KIF18A: variants seen among roughly 807,000 people sequenced by gnomAD.
KIF18A encodes the protein kinesin-like protein KIF18A.
Under a neutral mutation model 103.3 loss-of-function variants are expected in KIF18A, and 67 were observed. The ratio of observed to expected loss-of-function variants is 0.65; its 90% CI spans 0.53 to 0.79. The LOEUF (loss-of-function observed/expected upper bound fraction) is 0.79. Ranked by LOEUF, KIF18A falls within the 30% of genes least tolerant of loss-of-function variation. The pLI is 0.00. For missense variants in KIF18A, 1,032 were observed against 1,062.5 expected (o/e 0.97, Z 0.40); for synonymous variants, 367 against 355.5 (o/e 1.03, Z -0.36).
At chr11:28,030,766 T>A (rs1850388790) in intron 15 of KIF18A, among the ~76,000 whole-genome samples, 1 of 148,518 alleles carries the variant, frequency 6.7e-6, no homozygotes, top group African/African-American at 2.5e-5. Flanking sequence ...GGGAGAAAAT[T>A]TTCGCAACCT....
intron 13 of KIF18A, among the ~76,000 whole-genome samples, chr11:28,040,197 G>A (rs1850540973): frequency 6.6e-6 from 1 of 151,628 alleles, no homozygotes; most frequent in Non-Finnish European, 1.5e-5. Flanking sequence ...GCTAAGTTAG[G>A]TAATAAAGAA....
chr11:28,043,179 A>G (rs961962742), intron 13 of KIF18A, among the ~76,000 whole-genome samples: 1 of 151,880 alleles, frequency 6.6e-6, no homozygotes, highest in Non-Finnish European at 1.5e-5. Context: ...GTGCAGAAAA[A>G]AAATATTAAA....
Position 28,090,613 on chromosome 11 carries a change from T to C in KIF18A, c.699+4A>G. The C allele has an allele frequency of 3.3e-6, 5 of 1,500,312 alleles. No homozygotes were observed. The highest frequency in any genetic ancestry group is 4.6e-6 in the Non-Finnish European group (5 of 1,079,204). 92.9% of individuals were successfully genotyped at this position (1,500,312 alleles called of 1,614,324 possible). On this transcript the variant is annotated splice_donor_region_variant and intron_variant, in intron 5 of 16. Coordinates refer to ENST00000263181, the MANE Select transcript of KIF18A (RefSeq NM_031217.4). Reference sequence around the variant, plus strand: ...TTAAGAGTGATAGTCTAGTGGCCTCTTACTTGGAAAACAGCATGAGAACGA... The same window carrying C: ...TTAAGAGTGATAGTCTAGTGGCCTCCTACTTGGAAAACAGCATGAGAACGA...
chr11:28,093,232 C>T (rs1252705756), intron 3 of KIF18A, among the ~76,000 whole-genome samples: 1 of 152,000 alleles, frequency 6.6e-6, no homozygotes, highest in Non-Finnish European at 1.5e-5. Flanking sequence ...ATGCTGGCAC[C>T]CTCTTTTCCC....
chr11:28,054,042 G>A (rs1045055629), intron 13 of KIF18A, among the ~76,000 whole-genome samples: 2 of 151,974 alleles, frequency 1.3e-5, no homozygotes, highest in African/African-American at 4.8e-5. Context: ...TTTATCTTGA[G>A]CCAGAAATTT....
intron 11 of KIF18A, among the ~76,000 whole-genome samples, chr11:28,068,023 CCCATCA>C (rs538063946): frequency 5.9e-5 from 9 of 152,190 alleles, no homozygotes; most frequent in African/African-American, 2.2e-4. Context: ...AACCCAAATG[CCCATCA>C]ATGATAGGCT....
At chr11:28,045,193 T>G (rs1850615503) in intron 13 of KIF18A, among the ~76,000 whole-genome samples, 1 of 152,058 alleles carries the variant, frequency 6.6e-6, no homozygotes, top group East Asian at 1.9e-4. Flanking sequence ...GAAAAAAGTT[T>G]GATAAATTGA....
At chr11:28,062,901 C>A (rs1272063836) in intron 11 of KIF18A, among the ~76,000 whole-genome samples, 2 of 152,000 alleles carry the variant, frequency 1.3e-5, no homozygotes, top group African/African-American at 2.4e-5. Flanking sequence ...TCAATATTGT[C>A]ATAGCATTTA....
chr11:28,051,219 T>C (rs1590678064), intron 13 of KIF18A, among the ~76,000 whole-genome samples: 1 of 151,932 alleles, frequency 6.6e-6, no homozygotes, highest in East Asian at 1.9e-4. Context: ...ATTCATTTCC[T>C]AGACAAAGCA....
chr11:28,048,181 A>T (rs979623493), intron 13 of KIF18A, among the ~76,000 whole-genome samples: 2 of 152,128 alleles, frequency 1.3e-5, no homozygotes, highest in African/African-American at 2.4e-5. Flanking sequence ...CACTTATAAT[A>T]GTTCTGGGGG....
At chr11:28,079,407 T>G (rs1851134297) in intron 9 of KIF18A, among the ~76,000 whole-genome samples, 1 of 152,078 alleles carries the variant, frequency 6.6e-6, no homozygotes, top group Non-Finnish European at 1.5e-5. Context: ...CCAGAAATCA[T>G]TTTTACTTAT....
intron 12 of KIF18A, among the ~76,000 whole-genome samples, chr11:28,061,040 A>G (rs554472500): frequency 3.3e-5 from 5 of 152,342 alleles, no homozygotes; most frequent in Non-Finnish European, 5.9e-5. Context: ...TTGCTGAAAT[A>G]AAGCACAGCT....
chr11:28,041,501 A>G (rs1486525480), intron 13 of KIF18A, among the ~76,000 whole-genome samples: 2 of 151,806 alleles, frequency 1.3e-5, no homozygotes, highest in Non-Finnish European at 2.9e-5. Context: ...AGGCAGAATA[A>G]GAGGCTAGAG....
At chr11:28,092,513 T>C (rs998760675) in intron 3 of KIF18A, among the ~76,000 whole-genome samples, 42 of 152,320 alleles carry the variant, frequency 2.8e-4, no homozygotes, top group African/African-American at 9.6e-4. Flanking sequence ...CTGTAGTTTA[T>C]ATCTCTGGCC....
At chr11:28,058,901 T>C (rs957483695) in intron 13 of KIF18A, 25 bp downstream of exon 13, 1 of 1,552,484 alleles carries the variant, frequency 6.4e-7, no homozygotes. Flanking sequence ...TGTTACTATT[T>C]ACTTAAAACG....
At chr11:28,023,700 G>A in intron 16 of KIF18A, 41 bp downstream of exon 16, 2 of 1,114,142 alleles carry the variant, frequency 1.8e-6, no homozygotes, top group Non-Finnish European at 2.7e-6. Context: ...GTGTGTTACA[G>A]AGTCATACCA....
chr11:28,069,242 T>C lies in KIF18A; in HGVS notation c.1590+17A>G, dbSNP rs1850977697. ...AGTTCCTACAAATTAAATCTGAACA[T>C]ACAGAGATATTTGTACCTTTGGAAT... On this transcript the variant is annotated intron_variant, in intron 11 of 16. Transcript: ENST00000263181. 1.2e-6 allele frequency: 2 copies of C among 1,601,068 alleles called. No individual in the cohort carries two copies. The highest frequency in any genetic ancestry group is 1.7e-6 in the Non-Finnish European group (2 of 1,168,642).
chr11:28,060,887 G>A (rs554213515), intron 12 of KIF18A, among the ~76,000 whole-genome samples: 2 of 152,320 alleles, frequency 1.3e-5, no homozygotes, highest in African/African-American at 4.8e-5. Flanking sequence ...CATTTCACAT[G>A]TGCTGCCACA....
chr11:28,068,694 C>A (rs1850969751), intron 11 of KIF18A, among the ~76,000 whole-genome samples: 1 of 152,032 alleles, frequency 6.6e-6, no homozygotes, highest in Non-Finnish European at 1.5e-5. Context: ...CATGAAACGA[C>A]AAGCACGATA....
Sources: allele counts gnomAD v4.1 joint callset (sites outside exome capture counted in the v4.1 genomes callset), GRCh38; gene constraint gnomAD v4.1.1; transcripts MANE v1.5; gene names NCBI Gene and HGNC (gene_info 2026-07-23, HGNC 2026-07-21).